Variants in MORC3 observed in about 807,000 individuals in gnomAD.
MORC3 encodes MORC family CW-type zinc finger 3, also known as MORC family CW-type zinc finger protein 3.
In MORC3, 31 loss-of-function variants were observed where a neutral mutation model predicts 109.1. The observed-to-expected ratio is 0.28, with a 90% confidence interval of 0.21 to 0.38. The LOEUF (loss-of-function observed/expected upper bound fraction) is 0.38. Among genes scored for constraint, MORC3 ranks in the 10% least tolerant of loss-of-function variants. The probability of loss-of-function intolerance (pLI) is 1.00; values close to 1 mark genes in which losing one functional copy is unlikely to be tolerated. For missense variants in MORC3, 867 were observed against 1,135.8 expected (o/e 0.76, Z 3.40); for synonymous variants, 395 against 380.7 (o/e 1.04, Z -0.44).
chr21:36,343,510 G>C (rs181239909), intron 6 of MORC3, among the ~76,000 whole-genome samples: 1 of 146,506 alleles, frequency 6.8e-6, no homozygotes, highest in African/African-American at 2.5e-5. Flanking sequence ...GTGCAGTGGC[G>C]TGATCTCGGC....
chr21:36,328,418 C>G (rs1323423033), intron 1 of MORC3, among the ~76,000 whole-genome samples: 2 of 149,742 alleles, frequency 1.3e-5, no homozygotes, highest in African/African-American at 4.9e-5. Flanking sequence ...GTGGCGCCAT[C>G]GCAGTCTCCA....
intron 8 of MORC3, chr21:36,347,934 T>C (rs909338439): frequency 6.6e-5 from 10 of 152,204 alleles, no homozygotes; most frequent in Non-Finnish European, 5.9e-5. Flanking sequence ...TTGAAGGATA[T>C]TGTTATTACT....
At chr21:36,336,226 C>A (rs1160533518) in intron 2 of MORC3, among the ~76,000 whole-genome samples, 1 of 148,846 alleles carries the variant, frequency 6.7e-6, no homozygotes. Flanking sequence ...TCACCATGGT[C>A]AGCTTTTTTG....
intron 1 of MORC3, among the ~76,000 whole-genome samples, chr21:36,324,028 A>G (rs1176716379): frequency 6.6e-6 from 1 of 151,718 alleles, no homozygotes; most frequent in Non-Finnish European, 1.5e-5. Context: ...GGCATGCGCC[A>G]CCACGTCTGG....
At chr21:36,346,754 AG>A (rs2146311568) in intron 8 of MORC3, among the ~76,000 whole-genome samples, 1 of 152,208 alleles carries the variant, frequency 6.6e-6, no homozygotes, top group African/African-American at 2.4e-5. Flanking sequence ...GGCTGTAGTG[AG>A]CCAAAATTGT....
chr21:36,365,445 C>T (rs1397492175), intron 14 of MORC3, among the ~76,000 whole-genome samples: 1 of 152,120 alleles, frequency 6.6e-6, no homozygotes, highest in African/African-American at 2.4e-5. Context: ...ATAGTGGGGC[C>T]AGATTTTTTT....
At chr21:36,340,140 C>T (rs748889654) in intron 5 of MORC3, among the ~76,000 whole-genome samples, 8 of 151,918 alleles carry the variant, frequency 5.3e-5, no homozygotes, top group Non-Finnish European at 7.4e-5. Context: ...TAGCTGGGCG[C>T]GGTGGCGGGC....
Position 36,320,319 on chromosome 21 carries a change from G to A in MORC3, c.39+16G>A. On this transcript the variant is annotated intron_variant, in intron 1 of 16. Transcript: ENST00000400485. ...CCTCAGCGCGGTGAGCAGCCGCGAG[G>A]GGTGGAGCGGGCCGTGTCCCAGGAG... The A allele has an allele frequency of 6.6e-7, 1 of 1,512,072 alleles. No individual in the cohort carries two copies. Among genetic ancestry groups the A allele is most frequent in the Non-Finnish European group, 8.9e-7 (1 of 1,126,800 alleles). The allele number at this position is 1,512,072 out of a possible 1,614,324, so 93.7% of individuals were successfully genotyped here.
chr21:36,324,706 ATTTTT>A (rs1215853489), intron 1 of MORC3, among the ~76,000 whole-genome samples: 1 of 125,202 alleles, frequency 8.0e-6, no homozygotes, highest in Non-Finnish European at 1.7e-5. Context: ...CAGCCTTCTC[ATTTTT>A]TTTTTTTTTT....
At chr21:36,327,441 C>G (rs890800644) in intron 1 of MORC3, among the ~76,000 whole-genome samples, 2 of 150,982 alleles carry the variant, frequency 1.3e-5, no homozygotes, top group Admixed American at 6.6e-5. Context: ...AGTGAACCAC[C>G]GTGCTTGGCC....
intron 15 of MORC3, among the ~76,000 whole-genome samples, chr21:36,370,195 G>A (rs181199799): frequency 7.2e-5 from 11 of 152,242 alleles, no homozygotes; most frequent in Admixed American, 1.3e-4. Flanking sequence ...GCAACAGAGC[G>A]AGACTCTGTC....
At position 36,369,861 on chromosome 21, in the gene MORC3, C is replaced by G. The variant is rs748565331; in HGVS notation, c.2493C>G (p.Asp831Glu). Residue 831 changes from aspartate (D) to glutamate (E), a missense_variant, in exon 15 of 17, where the codon GAC becomes GAG. Asp to Glu is a conservative substitution (Grantham distance 45). This residue lies in a region of MORC3 where 486 missense variants were observed against 502.1 expected (regional missense o/e 0.97). Coordinates refer to ENST00000400485, the MANE Select transcript of MORC3 (RefSeq NM_015358.3). The stretch of plus-strand genomic sequence containing the variant: ...TGGACAAATGCAGTATTGAGAGGGA[C>G]CAGTATAAAAGTGAGGTGAGTTATA... ...RQLDKCSIER[D>E]QYKSEVELLE... is the part of the protein sequence containing the mutation. The G allele has an allele frequency of 1.7e-5, 28 of 1,611,780 alleles. No homozygotes were observed. Among genetic ancestry groups the G allele is most frequent in the African/African-American group, 4.0e-5 (3 of 74,906 alleles).
At chr21:36,339,102 A>G in intron 5 of MORC3, 181 bp downstream of exon 5, 1 of 654,230 alleles carries the variant, frequency 1.5e-6, no homozygotes, top group Non-Finnish European at 2.3e-6. Context: ...CTTCAATTTG[A>G]GATATTTTCA....
At chr21:36,338,556 G>C (rs2146300568) in intron 4 of MORC3, among the ~76,000 whole-genome samples, 1 of 151,964 alleles carries the variant, frequency 6.6e-6, no homozygotes, top group African/African-American at 2.4e-5. Context: ...CGGTCGTGGT[G>C]GTGGGTGCCT....
chr21:36,362,061 C>A, intron 12 of MORC3, 122 bp from the exon 13 acceptor site: 1 of 1,037,950 alleles, frequency 9.6e-7, no homozygotes, highest in Non-Finnish European at 1.5e-6. Context: ...GAAGGGCTTA[C>A]TGTTGATTAT....
chr21:36,350,662 AAAG>A (rs2085560877), intron 9 of MORC3, among the ~76,000 whole-genome samples: 1 of 152,290 alleles, frequency 6.6e-6, no homozygotes, highest in Admixed American at 6.5e-5. Flanking sequence ...TAGAAATGAA[AAAG>A]AAGAAATTAC....
chr21:36,326,610 T>C (rs1002912222), intron 1 of MORC3, among the ~76,000 whole-genome samples: 1 of 152,196 alleles, frequency 6.6e-6, no homozygotes, highest in Non-Finnish European at 1.5e-5. Context: ...GTTTTAGGAA[T>C]CCACTGAGGG....
chr21:36,349,358 C>T lies in MORC3; in HGVS notation c.1053C>T (p.Phe351=), dbSNP rs1197540775. ...TGGTTGGAATTATAGAGTGTAATTT[C>T]CTTAAGCCAACTCATAATAAACAAG... The part of the protein sequence containing the change: ...VGVVGIIECN[F]LKPTHNKQDF... Residue 351 remains phenylalanine, a synonymous_variant, in exon 9 of 17, where the codon TTC becomes TTT. Coordinates refer to ENST00000400485, the MANE Select transcript of MORC3 (RefSeq NM_015358.3). 1 of 1,610,566 alleles carries T rather than the reference C, an allele frequency of 6.2e-7. No homozygotes were observed. Among genetic ancestry groups the T allele is most frequent in the African/African-American group, 1.3e-5 (1 of 74,762 alleles).
At chr21:36,323,669 A>C (rs2085217061) in intron 1 of MORC3, among the ~76,000 whole-genome samples, 1 of 152,154 alleles carries the variant, frequency 6.6e-6, no homozygotes, top group South Asian at 2.1e-4. Flanking sequence ...TTCTTTCCGA[A>C]TTTTAAAGAC....
Sources: allele counts gnomAD v4.1 joint callset (sites outside exome capture counted in the v4.1 genomes callset), GRCh38; gene constraint gnomAD v4.1.1; regional missense constraint gnomAD v4.1.1; transcripts MANE v1.5; gene names NCBI Gene and HGNC (gene_info 2026-07-23, HGNC 2026-07-21).